The following DOCK3 variants were observed in gnomAD, a reference collection of about 807,000 sequenced individuals.
DOCK3 encodes the protein dedicator of cytokinesis protein 3.
A neutral mutation model predicts 265.6 loss-of-function variants in DOCK3; 60 were observed. The observed-to-expected ratio is 0.23, with a 90% CI of 0.18 to 0.28. The LOEUF (loss-of-function observed/expected upper bound fraction) is 0.28, where lower values mean the gene tolerates loss of function less well. Among genes scored for constraint, DOCK3 ranks in the 10% least tolerant of loss-of-function variants. The pLI is 1.00. For synonymous variants in DOCK3, 881 were observed against 938.0 expected, an observed-to-expected ratio of 0.94 and a Z score of 1.11; for missense variants, 1,981 against 2,594.3, an observed-to-expected ratio of 0.76 and a Z score of 5.14.
chr3:51,064,407 T>C (rs1387622714), intron 5 of DOCK3, 41 bp from the exon 6 acceptor site: 2 of 1,606,324 alleles, frequency 1.2e-6, no homozygotes, highest in Non-Finnish European at 1.7e-6. Flanking sequence ...TCCTTTTCCA[T>C]GTCTCTTGTA....
At chr3:50,978,547 A>G (rs1469238651) in intron 5 of DOCK3, among the ~76,000 whole-genome samples, 1 of 152,058 alleles carries the variant, frequency 6.6e-6, no homozygotes, top group East Asian at 1.9e-4. Flanking sequence ...GCTCTCTTCA[A>G]AGCTGTCAGA....
At chr3:50,855,783 C>T (rs2046563601) in intron 3 of DOCK3, among the ~76,000 whole-genome samples, 1 of 152,002 alleles carries the variant, frequency 6.6e-6, no homozygotes, top group Non-Finnish European at 1.5e-5. Flanking sequence ...ATCCCATCAC[C>T]TATGTATTAA....
chr3:51,288,885 G>GGTGT (rs776856235), intron 27 of DOCK3, among the ~76,000 whole-genome samples: 7 of 146,974 alleles, frequency 4.8e-5, no homozygotes, highest in Non-Finnish European at 9.0e-5. Context: ...TGTTTGTGTG[G>GGTGT]GTGTGTGTGT....
intron 2 of DOCK3, among the ~76,000 whole-genome samples, chr3:50,818,202 C>T (rs1271609786): frequency 2.0e-5 from 3 of 152,148 alleles, no homozygotes; most frequent in African/African-American, 7.2e-5. Context: ...GAGGAAGAAC[C>T]ATAGAGTTCT....
chr3:50,787,799 C>G, intron 2 of DOCK3: 2 of 1,112,116 alleles, frequency 1.8e-6, no homozygotes, highest in Non-Finnish European at 2.7e-6. Flanking sequence ...TTGCTGTTAT[C>G]TGTGGCCCCT....
chr3:50,894,307 G>C (rs1401951703), intron 4 of DOCK3, among the ~76,000 whole-genome samples: 1 of 151,992 alleles, frequency 6.6e-6, no homozygotes, highest in African/African-American at 2.4e-5. Context: ...GAAGGGAGCA[G>C]GATGATATAT....
chr3:50,867,398 T>G (rs1411334685), intron 3 of DOCK3, among the ~76,000 whole-genome samples: 1 of 152,166 alleles, frequency 6.6e-6, no homozygotes. Flanking sequence ...CTTTCCAAAT[T>G]GGATTCTCTG....
chr3:50,687,331 T>TTG (rs1430159404), intron 1 of DOCK3, among the ~76,000 whole-genome samples: 1 of 152,252 alleles, frequency 6.6e-6, no homozygotes, highest in African/African-American at 2.4e-5. Context: ...AACACAGTTG[T>TTG]TGTTCTCCCT....
At chr3:51,304,550 G>A (rs546419911) in intron 27 of DOCK3, among the ~76,000 whole-genome samples, 124 of 152,308 alleles carry the variant, frequency 8.1e-4, no homozygotes, top group Non-Finnish European at 1.2e-3. Flanking sequence ...CTGAGTGGCC[G>A]CTGAGAATCT....
At chr3:50,863,202 AG>A (rs1449372611) in intron 3 of DOCK3, among the ~76,000 whole-genome samples, 1 of 152,096 alleles carries the variant, frequency 6.6e-6, no homozygotes, top group Non-Finnish European at 1.5e-5. Flanking sequence ...AGTGGATTGT[AG>A]GGTATATTTG....
At chr3:51,217,992 C>A (rs537627778) in intron 14 of DOCK3, among the ~76,000 whole-genome samples, 2 of 151,782 alleles carry the variant, frequency 1.3e-5, no homozygotes, top group African/African-American at 4.8e-5. Flanking sequence ...GTGGTGGGCG[C>A]CTGTAATCCC....
At chr3:50,911,703 T>TGAGAGAGA (rs4028309) in intron 4 of DOCK3, among the ~76,000 whole-genome samples, 65 of 150,008 alleles carry the variant, frequency 4.3e-4, no homozygotes, top group African/African-American at 1.6e-3. Flanking sequence ...AATTGTTTTT[T>TGAGAGAGA]GAGAGAGAGA....
At chr3:50,886,433 G>T (rs1292598209) in intron 3 of DOCK3, among the ~76,000 whole-genome samples, 2 of 151,500 alleles carry the variant, frequency 1.3e-5, no homozygotes, top group Non-Finnish European at 2.9e-5. Flanking sequence ...TATACTTTAA[G>T]TTTTAGGGTA....
intron 4 of DOCK3, among the ~76,000 whole-genome samples, chr3:50,919,595 G>A (rs2050322534): frequency 6.6e-6 from 1 of 152,230 alleles, no homozygotes; most frequent in South Asian, 2.1e-4. Context: ...TTTGTACATT[G>A]ATTTTGTATC....
intron 2 of DOCK3, among the ~76,000 whole-genome samples, chr3:50,820,344 G>T (rs976018371): frequency 5.3e-5 from 8 of 152,254 alleles, no homozygotes; most frequent in Non-Finnish European, 1.0e-4. Context: ...TTTTTTATCA[G>T]TGGGGTCTTT....
At chr3:50,907,284 C>G (rs1439468835) in intron 4 of DOCK3, among the ~76,000 whole-genome samples, 1 of 152,080 alleles carries the variant, frequency 6.6e-6, no homozygotes, top group Non-Finnish European at 1.5e-5. Flanking sequence ...TGGTGCAGAG[C>G]TGAGTTCAAT....
chr3:50,859,477 A>G (rs1045695100), intron 3 of DOCK3, among the ~76,000 whole-genome samples: 1 of 151,878 alleles, frequency 6.6e-6, no homozygotes, highest in African/African-American at 2.4e-5. Context: ...CGGCCTCCCA[A>G]AGTGCTGGGA....
At chr3:51,322,088 G>A (rs2109801229) in intron 32 of DOCK3, among the ~76,000 whole-genome samples, 1 of 152,318 alleles carries the variant, frequency 6.6e-6, no homozygotes, top group South Asian at 2.1e-4. Context: ...AGAAAGGTCA[G>A]GTTACCCACA....
chr3:50,916,681 C>T (rs931732211), intron 4 of DOCK3, among the ~76,000 whole-genome samples: 1 of 151,672 alleles, frequency 6.6e-6, no homozygotes, highest in African/African-American at 2.4e-5. Flanking sequence ...TGGTGGCGGG[C>T]ACCTGTAATC....
Sources: allele counts gnomAD v4.1 joint callset (sites outside exome capture counted in the v4.1 genomes callset), GRCh38; gene constraint gnomAD v4.1.1; transcripts MANE v1.5; gene names NCBI Gene and HGNC (gene_info 2026-07-23, HGNC 2026-07-21).